RPS6KC1: variants seen among roughly 807,000 people sequenced by gnomAD.
The protein encoded by RPS6KC1 is ribosomal protein S6 kinase C1.
Under a neutral mutation model 103.8 loss-of-function variants are expected in RPS6KC1, and 54 were observed. The observed-to-expected ratio is 0.52, with a 90% CI of 0.42 to 0.65. RPS6KC1 has a LOEUF of 0.65. Ranked by LOEUF, RPS6KC1 falls within the 30% of genes least tolerant of loss-of-function variation. RPS6KC1 has a pLI of 0.00. For missense variants in RPS6KC1, 1,151 were observed against 1,253.8 expected (o/e 0.92, Z 1.24); for synonymous variants, 439 against 438.7 (o/e 1.00, Z -0.01).
the RPS6KC1 span, among the ~76,000 whole-genome samples, chr1:213,520,482 C>T: frequency 5.9e-5 from 9 of 152,084 alleles, no homozygotes; most frequent in South Asian, 2.1e-4. Flanking sequence ...GAGATTTGGG[C>T]GGGGACACAG....
Position 213,051,343 on chromosome 1 carries a change from G to A in RPS6KC1, c.-62G>A. The A allele has an allele frequency of 1.5e-6, 2 of 1,334,964 alleles. No homozygotes were observed. Among genetic ancestry groups the A allele is most frequent in the Non-Finnish European group, 2.1e-6 (2 of 935,642 alleles). The allele number at this position is 1,334,964 out of a possible 1,614,324, so 82.7% of individuals were successfully genotyped here. On this transcript the variant is annotated 5_prime_UTR_variant, in exon 1 of 15. Coordinates refer to ENST00000366960, the MANE Select transcript of RPS6KC1 (RefSeq NM_012424.6). ...GCTGCGTTGGGGAACCTGGACCGCGGCGGCGCCGGGTTTCCCTCATGATCC... is the reference window on the plus strand; with the variant it reads ...GCTGCGTTGGGGAACCTGGACCGCGACGGCGCCGGGTTTCCCTCATGATCC...
At chr1:213,407,727 C>CA in the RPS6KC1 span, among the ~76,000 whole-genome samples, 1 of 152,096 alleles carries the variant, frequency 6.6e-6, no homozygotes, top group Non-Finnish European at 1.5e-5. Flanking sequence ...AAGTAGGGCT[C>CA]TTCTTGCCTT....
intron 1 of RPS6KC1, among the ~76,000 whole-genome samples, chr1:213,052,201 C>A (rs1163489892): frequency 6.6e-6 from 1 of 152,154 alleles, no homozygotes; most frequent in African/African-American, 2.4e-5. Flanking sequence ...AGAGAGTCTG[C>A]ATCTTCTAGG....
chr1:213,477,350 ATT>A, the RPS6KC1 span, among the ~76,000 whole-genome samples: 7,503 of 144,118 alleles, frequency 0.052, 601 homozygotes, highest in African/African-American at 0.17. Context: ...TTATACCCTT[ATT>A]TTTTTTTTTT....
chr1:213,779,528 C>T, the RPS6KC1 span, among the ~76,000 whole-genome samples: 2,390 of 152,278 alleles, frequency 0.016, 70 homozygotes, highest in East Asian at 0.074. Context: ...TTTCCGAGAT[C>T]GCAGACTTTG....
At chr1:213,632,381 A>G in the RPS6KC1 span, among the ~76,000 whole-genome samples, 104,810 of 152,102 alleles carry the variant, frequency 0.69, 36,462 homozygotes, top group African/African-American at 0.8. Context: ...CTGAGCCTCC[A>G]CTGGTGATAC....
rs151010972 is a variant in RPS6KC1 at position 213,099,234 on chromosome 1, C to T, written c.263-5220C>T. The stretch of plus-strand genomic sequence containing the variant: ...AATATATTAGTTCTAGAAGTTATTT[C>T]ATTAAAATTCATCTGTGTTTTTTCA... On this transcript the variant is annotated intron_variant, in intron 3 of 14. Coordinates refer to ENST00000366960, the MANE Select transcript of RPS6KC1 (RefSeq NM_012424.6). Among the ~76,000 whole-genome samples, 882 of 152,220 alleles carry T rather than the reference C, an allele frequency of 5.8e-3. 4 individuals carry two copies. The highest frequency in any genetic ancestry group is 0.014 in the Middle Eastern group (4 of 294).
chr1:213,106,687 C>T (rs747964514), intron 4 of RPS6KC1, among the ~76,000 whole-genome samples: 13 of 152,148 alleles, frequency 8.5e-5, no homozygotes, highest in African/African-American at 1.4e-4. Flanking sequence ...CACTTGCTTA[C>T]ATTGACTTTA....
chr1:213,527,621 C>G, the RPS6KC1 span, among the ~76,000 whole-genome samples: 1 of 152,084 alleles, frequency 6.6e-6, no homozygotes, highest in African/African-American at 2.4e-5. Context: ...CATTCCCATT[C>G]TGCAAATCTT....
intron 5 of RPS6KC1, among the ~76,000 whole-genome samples, chr1:213,127,597 T>C (rs1355089707): frequency 6.6e-6 from 1 of 151,740 alleles, no homozygotes; most frequent in African/African-American, 2.4e-5. Flanking sequence ...TTCAGACTTG[T>C]GTATTTGGCA....
the RPS6KC1 span, among the ~76,000 whole-genome samples, chr1:213,321,198 C>CA: frequency 1.3e-5 from 2 of 152,218 alleles, no homozygotes; most frequent in African/African-American, 4.8e-5. Context: ...GTGATGGGCT[C>CA]AAACTCCATT....
intron 8 of RPS6KC1, among the ~76,000 whole-genome samples, chr1:213,202,954 C>T (rs1414935609): frequency 6.6e-6 from 1 of 152,048 alleles, no homozygotes; most frequent in African/African-American, 2.4e-5. Context: ...TTGTTTTCCT[C>T]TTTTTTTCTG....
chr1:213,668,633 C>T, the RPS6KC1 span, among the ~76,000 whole-genome samples: 1 of 152,060 alleles, frequency 6.6e-6, no homozygotes, highest in African/African-American at 2.4e-5. Context: ...AGAGATCCAG[C>T]CTATCTTTTG....
At chr1:213,088,405 C>T (rs1451083171) in intron 3 of RPS6KC1, among the ~76,000 whole-genome samples, 1 of 151,890 alleles carries the variant, frequency 6.6e-6, no homozygotes, top group African/African-American at 2.4e-5. Context: ...GCTCTGTTGC[C>T]CAGGCTGGAG....
the RPS6KC1 span, among the ~76,000 whole-genome samples, chr1:213,391,786 A>G: frequency 6.6e-6 from 1 of 152,258 alleles, no homozygotes; most frequent in African/African-American, 2.4e-5. Context: ...AAAAATGTTC[A>G]TGCAAAGAAT....
the RPS6KC1 span, among the ~76,000 whole-genome samples, chr1:213,857,410 C>A: frequency 6.6e-6 from 1 of 152,216 alleles, no homozygotes; most frequent in African/African-American, 2.4e-5. Flanking sequence ...AAATACCAGA[C>A]TTTAATGTGT....
the RPS6KC1 span, among the ~76,000 whole-genome samples, chr1:213,802,193 A>T: frequency 3.3e-5 from 5 of 152,350 alleles, no homozygotes; most frequent in African/African-American, 1.2e-4. Context: ...GCTATGTGCC[A>T]ACTGTAGAGG....
At chr1:213,297,474 T>C in the RPS6KC1 span, among the ~76,000 whole-genome samples, 1 of 152,230 alleles carries the variant, frequency 6.6e-6, no homozygotes, top group African/African-American at 2.4e-5. Context: ...GGAAACAGTC[T>C]CTTTACCTTT....
At chr1:213,602,848 A>G in the RPS6KC1 span, among the ~76,000 whole-genome samples, 1 of 152,164 alleles carries the variant, frequency 6.6e-6, no homozygotes, top group Non-Finnish European at 1.5e-5. Flanking sequence ...AATTTTCCTA[A>G]TGGAGAGAGC....
Sources: allele counts gnomAD v4.1 joint callset (sites outside exome capture counted in the v4.1 genomes callset), GRCh38; gene constraint gnomAD v4.1.1; transcripts MANE v1.5; gene names NCBI Gene and HGNC (gene_info 2026-07-23, HGNC 2026-07-21).